Variants in DDHD2 observed in about 807,000 individuals in gnomAD.
DDHD2 encodes the protein triacylglycerol hydrolase DDHD2.
DDHD2 carries 62 observed loss-of-function variants against 91.2 expected under a neutral mutation model. The ratio of observed to expected loss-of-function variants is 0.68; its 90% CI spans 0.55 to 0.84. The LOEUF (loss-of-function observed/expected upper bound fraction) is 0.84. Ranked by LOEUF, DDHD2 falls within the 40% of genes least tolerant of loss-of-function variation. DDHD2 has a pLI of 0.00. For synonymous variants in DDHD2, 271 were observed against 293.9 expected, an observed-to-expected ratio of 0.92 and a Z score of 0.80; for missense variants, 740 against 846.9, an observed-to-expected ratio of 0.87 and a Z score of 1.57.
At position 38,247,784 on chromosome 8, in the gene DDHD2, CTCTGAA is replaced by C. The variant is rs1805764448; in HGVS notation, c.1199_1204del (p.Ser400_Glu401del). ...AGGAAGATTTGAAGAAACTTCAGCTCTCTGAATTCTTTGATATCTTTGAGAAGGAGA... is the reference window on the plus strand; with the variant it reads ...AGGAAGATTTGAAGAAACTTCAGCTCTTCTTTGATATCTTTGAGAAGGAGA... On this transcript the variant is annotated inframe_deletion, in exon 10 of 18. Transcript: ENST00000397166. The C allele has an allele frequency of 6.3e-7, 1 of 1,585,246 alleles. No individual in the cohort carries two copies. Among genetic ancestry groups the C allele is most frequent in the Non-Finnish European group, 8.6e-7 (1 of 1,165,244 alleles).
At position 38,247,837 on chromosome 8, in the gene DDHD2, T is replaced by G; in HGVS notation, c.1248+2T>G. 1 of 1,557,118 alleles carries G rather than the reference T, an allele frequency of 6.4e-7. No homozygotes were observed. The highest frequency in any genetic ancestry group is 8.6e-7 in the Non-Finnish European group (1 of 1,159,650). ...GAGAAAGTAGATAAGGAAGCTCTGG[T>G]AAAAATAATCTTTTAAAACTTTATG... On this transcript the variant is annotated splice_donor_variant, in intron 10 of 17. Transcript: ENST00000397166. LOFTEE classifies it high-confidence loss of function.
chr8:38,245,887 A>G lies in DDHD2; in HGVS notation c.994A>G (p.Thr332Ala), dbSNP rs781142042. ...TVASEMNRIYTLFLQRNPDFK... is the reference protein window; with the variant it reads ...TVASEMNRIYALFLQRNPDFK... ...TGCTTCTGAAATGAACCGAATATAC[A>G]CACTTTTTCTACAGAGGAACCCTGA... Residue 332 changes from threonine to alanine, a missense_variant, in exon 8 of 18, where the codon ACA becomes GCA. Coordinates refer to ENST00000397166, the MANE Select transcript of DDHD2 (RefSeq NM_015214.3). 7 of 1,613,970 alleles carry G rather than the reference A, an allele frequency of 4.3e-6. No individual in the cohort carries two copies. Among genetic ancestry groups the G allele is most frequent in the Admixed American group, 1.7e-5 (1 of 59,986 alleles).
downstream of DDHD2, chr8:38,271,406 C>T (rs369702888): frequency 8.6e-5 from 13 of 152,004 alleles, no homozygotes; most frequent in Admixed American, 2.0e-4. Context: ...TATCCCCCCC[C>T]TTACCCTTTA....
intron 16 of DDHD2, among the ~76,000 whole-genome samples, chr8:38,257,699 C>T (rs1207357225): frequency 7.1e-6 from 1 of 141,492 alleles, no homozygotes; most frequent in East Asian, 2.1e-4. Flanking sequence ...GAATCTCACC[C>T]TGTTGCCCAG....
intron 1 of DDHD2, chr8:38,268,521 C>T: frequency 6.5e-7 from 1 of 1,541,220 alleles, no homozygotes; most frequent in Non-Finnish European, 8.7e-7. Flanking sequence ...CGTGCTCCTA[C>T]AGGAAAGAGG....
intron 1 of DDHD2, chr8:38,270,978 G>GT (rs1440168968): frequency 6.6e-6 from 1 of 152,156 alleles, no homozygotes; most frequent in African/African-American, 2.4e-5. Context: ...GGAGTGTAAC[G>GT]TAAGTGCAAT....
chr8:38,238,720 A>C, intron 5 of DDHD2: 1 of 946,648 alleles, frequency 1.1e-6, no homozygotes, highest in Non-Finnish European at 1.3e-6. Context: ...TTAAAATTTC[A>C]GGCTTTAAAA....
At chr8:38,246,776 A>C (rs1294868844) in intron 9 of DDHD2, 1 of 163,960 alleles carries the variant, frequency 6.1e-6, no homozygotes, top group Admixed American at 6.3e-5. Flanking sequence ...TGGGAGGTGG[A>C]GGTTCAGTGA....
At chr8:38,264,687 C>T, downstream of DDHD2, 1 of 1,436,458 alleles carries the variant, frequency 7.0e-7, no homozygotes, top group African/African-American at 1.4e-5. Flanking sequence ...GGACCTGGCC[C>T]TCCAGGATAC....
Position 38,247,766 on chromosome 8 carries a change from T to C in DDHD2, c.1179T>C (p.Asp393=), listed in dbSNP as rs1225314456. 1 of 1,581,280 alleles carries C rather than the reference T, an allele frequency of 6.3e-7. No homozygotes were observed. The highest frequency in any genetic ancestry group is 8.6e-7 in the Non-Finnish European group (1 of 1,161,492). Residue 393 remains aspartate, a synonymous_variant, in exon 10 of 18, where the codon GAT becomes GAC. Transcript: ENST00000397166. The part of the protein sequence containing the change: ...DQGDTPTLEE[D]LKKLQLSEFF... ...GAGATACACCTACACTAGAGGAAGA[T>C]TTGAAGAAACTTCAGCTCTCTGAAT...
downstream of DDHD2, chr8:38,266,853 T>A: frequency 4.3e-6 from 1 of 234,670 alleles, no homozygotes; most frequent in East Asian, 1.1e-4. Context: ...TATCAACTTG[T>A]TGATGCTTTA....
chr8:38,268,038 G>A (rs1807950025), intron 1 of DDHD2: 4 of 1,604,944 alleles, frequency 2.5e-6, no homozygotes, highest in Admixed American at 1.7e-5. Context: ...GAGAGCAGCC[G>A]TGCTGTTTCT....
chr8:38,273,454 A>G (rs1016911206), downstream of DDHD2: 4 of 152,256 alleles, frequency 2.6e-5, no homozygotes, highest in Non-Finnish European at 5.9e-5. Context: ...TATCTGTAGT[A>G]TATAGGATGT....
chr8:38,267,028 G>C, downstream of DDHD2: 1 of 1,398,848 alleles, frequency 7.1e-7, no homozygotes, highest in Non-Finnish European at 9.3e-7. Context: ...CAGGATCTAG[G>C]CAAATAATAT....
chr8:38,270,407 CAT>C (rs1491285806), intron 1 of DDHD2: 2 of 152,166 alleles, frequency 1.3e-5, no homozygotes, highest in Admixed American at 1.3e-4. Flanking sequence ...ATGAGTTTCT[CAT>C]ATCAATTCCA....
At chr8:38,255,414 G>C (rs922470940) in intron 16 of DDHD2, 15 of 443,276 alleles carry the variant, frequency 3.4e-5, no homozygotes, top group Non-Finnish European at 6.1e-5. Flanking sequence ...ATATTTCTGT[G>C]TGGGCAGTAC....
chr8:38,249,928 T>C (rs1000466168), intron 11 of DDHD2, 125 bp downstream of exon 11: 7 of 558,934 alleles, frequency 1.3e-5, no homozygotes, highest in African/African-American at 9.6e-5. Flanking sequence ...TTTGGCTCTT[T>C]TTTTTTGAGA....
intron 3 of DDHD2, 136 bp downstream of exon 3, chr8:38,234,720 G>T (rs1382834169): frequency 6.1e-6 from 4 of 659,860 alleles, no homozygotes; most frequent in Non-Finnish European, 9.6e-6. Context: ...ACATAATAAA[G>T]CATTTCTATT....
rs766848567 is a variant in DDHD2, at chr8:38,260,081, A to G, written c.2096A>G (p.Tyr699Cys). 8.1e-6 allele frequency: 13 copies of G among 1,613,778 alleles called. No individual in the cohort carries two copies. The Admixed American group carries it at 1.5e-4, about 19-fold the overall frequency. The change falls in exon 17 of 18, where the codon TAC becomes TGC. Residue 699 changes from tyrosine to cysteine, a missense_variant. Tyr to Cys is a radical substitution (Grantham distance 194, BLOSUM62 -2). Around this residue, in one of 2 missense-constraint regions of DDHD2, gnomAD observed 47 missense variants for 82.6 expected, o/e 0.57. Transcript: ENST00000397166. The part of the protein sequence containing the change: ...DTVLLVLKEI[Y>C]QTQGIFLDQP... ...GTATTGCTCGTCCTCAAAGAGATCT[A>G]CCAAACCCAGGGTATCTTCCTTGAT...
Sources: allele counts gnomAD v4.1 joint callset (sites outside exome capture counted in the v4.1 genomes callset), GRCh38; gene constraint gnomAD v4.1.1; regional missense constraint gnomAD v4.1.1; transcripts MANE v1.5; gene names NCBI Gene and HGNC (gene_info 2026-07-23, HGNC 2026-07-21).